C2CD3: variants seen among roughly 807,000 people sequenced by gnomAD.
C2CD3 encodes the protein C2 domain containing 3 centriole elongation regulator, also known as C2 domain-containing protein 3.
A neutral mutation model predicts 234.0 loss-of-function variants in C2CD3; 148 were observed. The ratio of observed to expected loss-of-function variants is 0.63; its 90% CI spans 0.55 to 0.72. The LOEUF (loss-of-function observed/expected upper bound fraction) is 0.72. Ranked by LOEUF, C2CD3 falls within the 30% of genes least tolerant of loss-of-function variation. The pLI is 0.00. For missense variants in C2CD3, 2,577 were observed against 2,811.5 expected, an observed-to-expected ratio of 0.92 and a Z score of 1.89; for synonymous variants, 1,000 against 1,035.4, an observed-to-expected ratio of 0.97 and a Z score of 0.66.
At chr11:74,063,809 G>A (rs1954370295) in intron 24 of C2CD3, among the ~76,000 whole-genome samples, 1 of 152,128 alleles carries the variant, frequency 6.6e-6, no homozygotes, top group African/African-American at 2.4e-5. Flanking sequence ...ATTCAATTAT[G>A]AAAAGAGGAA....
Position 74,028,288 on chromosome 11 carries a change from T to C in C2CD3, c.6920A>G (p.Gln2307Arg), listed in dbSNP as rs913920515. The C allele has an allele frequency of 8.5e-6, 13 of 1,533,834 alleles. No homozygotes were observed. The highest frequency in any genetic ancestry group is 1.0e-5 in the Non-Finnish European group (12 of 1,144,882). ...AAGGTCAGTTGGCCATTCTCTTACC[T>C]GATCTGTTGTGGCTGCTGGTGGCAA... ...ATLPPAATTD[Q>R]DKSEATRGAL... Residue 2307 changes from glutamine (Q) to arginine (R), a missense_variant and splice_region_variant, in exon 32 of 33, where the codon CAG becomes CGG. Transcript: ENST00000334126.
chr11:74,014,715 A>G (rs560970330), intron 32 of C2CD3, among the ~76,000 whole-genome samples: 5 of 152,350 alleles, frequency 3.3e-5, no homozygotes, highest in African/African-American at 1.2e-4. Flanking sequence ...AGATCTGCCT[A>G]AAGAATTAGA....
Position 74,074,435 on chromosome 11 carries a change from T to G in C2CD3, c.4769A>C (p.Asp1590Ala). The G allele has an allele frequency of 1.2e-6, 2 of 1,614,182 alleles. No individual in the cohort carries two copies. Among genetic ancestry groups the G allele is most frequent in the Non-Finnish European group, 1.7e-6 (2 of 1,180,024 alleles). Reference sequence around the variant, plus strand: ...TTCTGGTGGAGAGAGCTGGACCTCATCATTCCTTCTGGGGAGCTGCTCAGA... The same window carrying G: ...TTCTGGTGGAGAGAGCTGGACCTCAGCATTCCTTCTGGGGAGCTGCTCAGA... The part of the protein sequence containing the change: ...SESEQLPRRN[D>A]EVQLSPPEVI... Residue 1590 changes from aspartate to alanine, a missense_variant, in exon 24 of 33, where the codon GAT (aspartate) becomes GCT (alanine). Transcript: ENST00000334126.
chr11:74,078,507 G>A lies in C2CD3; in HGVS notation c.4211C>T (p.Pro1404Leu). ...KDFVRMDEGEPATVTISTPRL... is the reference protein window; with the variant it reads ...KDFVRMDEGELATVTISTPRL... Reference sequence around the variant, plus strand: ...TGGGGTGGAGATGGTGACAGTGGCTGGCTCCCCTTCATCCATTCTGACAAA... The same window carrying A: ...TGGGGTGGAGATGGTGACAGTGGCTAGCTCCCCTTCATCCATTCTGACAAA... Residue 1404 changes from proline (P) to leucine (L), a missense_variant, in exon 23 of 33, where the codon CCA becomes CTA. Coordinates refer to ENST00000334126, the MANE Select transcript of C2CD3 (RefSeq NM_001286577.2). 1 of 1,614,146 alleles carries A rather than the reference G, an allele frequency of 6.2e-7. No homozygotes were observed. Among genetic ancestry groups the A allele is most frequent in the Non-Finnish European group, 8.5e-7 (1 of 1,180,020 alleles).
intron 2 of C2CD3, among the ~76,000 whole-genome samples, chr11:74,167,650 AT>A: frequency 6.6e-6 from 1 of 152,354 alleles, no homozygotes; most frequent in Non-Finnish European, 1.5e-5. Context: ...CTCGAATTTT[AT>A]TGACTTGAAC....
chr11:74,130,257 G>A (rs1370000222), intron 7 of C2CD3, among the ~76,000 whole-genome samples: 1 of 148,746 alleles, frequency 6.7e-6, no homozygotes, highest in Non-Finnish European at 1.5e-5. Context: ...AACAGGTCTC[G>A]CTTTGTCGCT....
At chr11:74,078,076 T>G (rs182621355) in intron 23 of C2CD3, 39 bp downstream of exon 23, 10 of 1,583,410 alleles carry the variant, frequency 6.3e-6, no homozygotes, top group Non-Finnish European at 8.6e-6. Context: ...ACAGAGCAGG[T>G]GCTCAAACTA....
intron 3 of C2CD3, among the ~76,000 whole-genome samples, chr11:74,151,941 G>C (rs967757626): frequency 2.0e-5 from 3 of 152,064 alleles, no homozygotes; most frequent in Admixed American, 2.0e-4. Context: ...TGACTGATGG[G>C]GTTAGAAGCA....
At chr11:74,106,554 T>C (rs368807522) in intron 12 of C2CD3, 61 bp from the exon 13 acceptor site, 1 of 1,512,090 alleles carries the variant, frequency 6.6e-7, no homozygotes, top group Non-Finnish European at 9.1e-7. Flanking sequence ...GTGATCTTAA[T>C]TAAAGTGACA....
chr11:74,063,701 T>C (rs535793117), intron 24 of C2CD3, among the ~76,000 whole-genome samples: 1 of 152,256 alleles, frequency 6.6e-6, no homozygotes, highest in Non-Finnish European at 1.5e-5. Context: ...AGCATTCCCC[T>C]TGAAAACTGG....
chr11:74,039,018 A>G (rs1189154587), intron 29 of C2CD3, among the ~76,000 whole-genome samples: 1 of 152,236 alleles, frequency 6.6e-6, no homozygotes, highest in Non-Finnish European at 1.5e-5. Context: ...AAATGAGAGG[A>G]CAAAGTTGAT....
intron 32 of C2CD3, among the ~76,000 whole-genome samples, chr11:74,019,018 C>T (rs773323601): frequency 1.6e-4 from 25 of 152,178 alleles, no homozygotes; most frequent in East Asian, 1.9e-4. Context: ...GTCTATGCTA[C>T]GAAGGGGCCT....
At chr11:74,081,850 T>C (rs547140540) in intron 22 of C2CD3, among the ~76,000 whole-genome samples, 1 of 152,366 alleles carries the variant, frequency 6.6e-6, no homozygotes, top group South Asian at 2.1e-4. Context: ...GAGACTTTGC[T>C]GAAGTTGCTT....
At chr11:74,141,607 A>T (rs1958050407) in intron 3 of C2CD3, among the ~76,000 whole-genome samples, 1 of 152,192 alleles carries the variant, frequency 6.6e-6, no homozygotes, top group Non-Finnish European at 1.5e-5. Flanking sequence ...TGCCACGCCC[A>T]TCTTACAATC....
At chr11:74,163,150 G>A (rs1290324279) in intron 2 of C2CD3, among the ~76,000 whole-genome samples, 1 of 152,166 alleles carries the variant, frequency 6.6e-6, no homozygotes, top group Non-Finnish European at 1.5e-5. Flanking sequence ...GTAGTGAAAA[G>A]CATGTAGGAA....
rs556306675 is a variant in C2CD3 at position 74,138,210 on chromosome 11, C to A, written c.955+510G>T. 5.3e-5 allele frequency among the ~76,000 whole-genome samples: 8 copies of A among 152,244 alleles called. No individual in the cohort carries two copies. In the South Asian group the frequency reaches 1.7e-3, roughly 32 times the overall value. On this transcript the variant is annotated intron_variant, in intron 5 of 32. Transcript: ENST00000334126. ...GTTTGCTTTTTTATTTCTGTCTAAGCCCTTATAAGGGTAAACTGTCTCCTT... is the reference window on the plus strand; with the variant it reads ...GTTTGCTTTTTTATTTCTGTCTAAGACCTTATAAGGGTAAACTGTCTCCTT...
At chr11:74,086,808 C>A (rs373676579) in intron 20 of C2CD3, among the ~76,000 whole-genome samples, 5 of 152,320 alleles carry the variant, frequency 3.3e-5, no homozygotes, top group Admixed American at 2.6e-4. Context: ...GAGTTGACAT[C>A]TAGGCAAAGA....
In C2CD3 at chr11:74,086,453, T is replaced by C. The variant is rs189290650; in HGVS notation, c.3642-567A>G. 3.6e-3 allele frequency among the ~76,000 whole-genome samples: 547 copies of C among 152,336 alleles called. 3 individuals carry two copies. Among genetic ancestry groups the C allele is most frequent in the Non-Finnish European group, 6.4e-3 (436 of 68,020 alleles). ...TAGCCAGACAGGAGGATGTTGGCTG[T>C]TTCTATGGTTTGCATAAGTGACCTC... On this transcript the variant is annotated intron_variant, in intron 20 of 32. Transcript: ENST00000334126.
At chr11:74,027,499 C>G (rs1952350932) in intron 32 of C2CD3, among the ~76,000 whole-genome samples, 1 of 152,198 alleles carries the variant, frequency 6.6e-6, no homozygotes, top group African/African-American at 2.4e-5. Context: ...TGGAACAGTG[C>G]CTGGTACATG....
Sources: gnomAD v4.1 joint callset for allele counts (sites outside exome capture counted in the v4.1 genomes callset) on GRCh38, gnomAD v4.1.1 for gene constraint, MANE v1.5 for transcripts, NCBI Gene and HGNC (gene_info 2026-07-23, HGNC 2026-07-21) for gene names.